The following MRPL1 variants were observed in gnomAD, a reference collection of about 807,000 sequenced individuals.
The protein encoded by MRPL1 is large ribosomal subunit protein uL1m.
MRPL1 carries 28 observed loss-of-function variants against 38.0 expected under a neutral mutation model. The ratio of observed to expected loss-of-function variants is 0.74; its 90% confidence interval spans 0.55 to 1.01. MRPL1 has a LOEUF of 1.01. Among genes scored for constraint, MRPL1 ranks in the 50% least tolerant of loss-of-function variants. The probability of loss-of-function intolerance (pLI) is 0.00; values close to 1 mark genes in which losing one functional copy is unlikely to be tolerated. For missense variants in MRPL1, 358 were observed against 389.8 expected (o/e 0.92, Z 0.69); for synonymous variants, 123 against 126.7 (o/e 0.97, Z 0.20).
intron 2 of MRPL1, among the ~76,000 whole-genome samples, chr4:77,876,609 A>G (rs1735402261): frequency 6.6e-6 from 1 of 152,212 alleles, no homozygotes; most frequent in African/African-American, 2.4e-5. Context: ...GAATCATAGT[A>G]TTCATAATTT....
chr4:77,870,434 A>G (rs1735253842), intron 1 of MRPL1, among the ~76,000 whole-genome samples: 1 of 151,876 alleles, frequency 6.6e-6, no homozygotes, highest in Admixed American at 6.6e-5. Context: ...CAGCAATAAA[A>G]TCTTTATAAA....
intron 6 of MRPL1, among the ~76,000 whole-genome samples, chr4:77,901,904 T>G (rs1470300923): frequency 1.1e-4 from 17 of 152,202 alleles, no homozygotes; most frequent in Admixed American, 1.1e-3. Context: ...TTGTTTGGTG[T>G]TGAACATTCA....
chr4:77,913,938 C>T lies in MRPL1; in HGVS notation c.777+4566C>T, dbSNP rs866333838. ...TAATGTATGATGACAGAAAGCAGAC[C>T]AGTGGTTGCCTTGGGGTCAGAGGTG... On this transcript the variant is annotated intron_variant, in intron 7 of 8. Coordinates refer to ENST00000315567, the MANE Select transcript of MRPL1 (RefSeq NM_020236.4). Among the ~76,000 whole-genome samples the T allele has an allele frequency of 2.6e-5, 4 of 152,118 alleles. No individual in the cohort carries two copies. In the South Asian group the frequency reaches 8.3e-4, roughly 32 times the overall value.
chr4:77,881,689 C>T (rs1383189285), intron 2 of MRPL1, among the ~76,000 whole-genome samples: 1 of 152,288 alleles, frequency 6.6e-6, no homozygotes, highest in African/African-American at 2.4e-5. Flanking sequence ...AGTCCTCCTG[C>T]CTTGGCCTCC....
intron 1 of MRPL1, among the ~76,000 whole-genome samples, chr4:77,863,759 G>A (rs1024911765): frequency 6.6e-6 from 1 of 152,080 alleles, no homozygotes; most frequent in Non-Finnish European, 1.5e-5. Context: ...GAGGCACTGC[G>A]CCCGGCCTGT....
At chr4:77,893,043 A>T (rs765790445) in intron 5 of MRPL1, among the ~76,000 whole-genome samples, 3 of 152,216 alleles carry the variant, frequency 2.0e-5, no homozygotes, top group African/African-American at 4.8e-5. Context: ...AAAATTCCAT[A>T]GTCATTGCTT....
intron 2 of MRPL1, among the ~76,000 whole-genome samples, chr4:77,873,749 A>G (rs996615810): frequency 1.3e-5 from 2 of 152,202 alleles, no homozygotes; most frequent in Non-Finnish European, 2.9e-5. Flanking sequence ...ACAGCAACAT[A>G]AACAATTGCT....
chr4:77,943,006 G>A (rs572545302), intron 7 of MRPL1, among the ~76,000 whole-genome samples: 155 of 152,110 alleles, frequency 1.0e-3, no homozygotes, highest in African/African-American at 2.9e-3. Flanking sequence ...GGTTCATTTT[G>A]GTGTGTATTT....
intron 7 of MRPL1, among the ~76,000 whole-genome samples, chr4:77,943,959 C>T (rs1737195385): frequency 1.3e-5 from 2 of 152,090 alleles, no homozygotes. Context: ...TGTTTAAGAA[C>T]TTTGGTTTTG....
intron 2 of MRPL1, among the ~76,000 whole-genome samples, chr4:77,872,905 T>C (rs1356918262): frequency 6.6e-6 from 1 of 151,954 alleles, no homozygotes; most frequent in Admixed American, 6.6e-5. Flanking sequence ...TAGTGGTGTG[T>C]ACCTGTAATC....
chr4:77,911,224 T>C (rs544566632), intron 7 of MRPL1, among the ~76,000 whole-genome samples: 2 of 152,310 alleles, frequency 1.3e-5, no homozygotes, highest in East Asian at 3.9e-4. Context: ...CTGTGGAATA[T>C]CCTTATAAGG....
At chr4:77,876,548 C>G (rs1333215588) in intron 2 of MRPL1, among the ~76,000 whole-genome samples, 1 of 152,060 alleles carries the variant, frequency 6.6e-6, no homozygotes, top group African/African-American at 2.4e-5. Flanking sequence ...AATTTATAAG[C>G]AGATGGTTTT....
At position 77,887,293 on chromosome 4, in the gene MRPL1, T is replaced by C. The variant is rs748937901; in HGVS notation, c.558+2T>C. ...GGAGGCACTAGTCTGATACAGAAGG[T>C]ACAGTGTTGTTTTCATGTTCATTAA... On this transcript the variant is annotated splice_donor_variant, in intron 5 of 8. Coordinates refer to ENST00000315567, the MANE Select transcript of MRPL1 (RefSeq NM_020236.4). LOFTEE classifies it high-confidence loss of function. 56 of 1,610,844 alleles carry C rather than the reference T, an allele frequency of 3.5e-5. No individual in the cohort carries two copies. Among genetic ancestry groups the C allele is most frequent in the Non-Finnish European group, 4.8e-5 (56 of 1,177,100 alleles).
intron 8 of MRPL1, 125 bp from the exon 9 acceptor site, chr4:77,952,364 T>C: frequency 2.8e-6 from 2 of 715,674 alleles, no homozygotes; most frequent in South Asian, 1.6e-5. Flanking sequence ...TCTTTATAAG[T>C]TGTTTTGCTT....
intron 7 of MRPL1, among the ~76,000 whole-genome samples, chr4:77,945,823 AAGG>A (rs1343339617): frequency 6.6e-6 from 1 of 152,128 alleles, no homozygotes; most frequent in Non-Finnish European, 1.5e-5. Context: ...AAAGGGCAAA[AAGG>A]AGAACAAAGA....
At chr4:77,912,378 G>A (rs555295739) in intron 7 of MRPL1, among the ~76,000 whole-genome samples, 1 of 152,200 alleles carries the variant, frequency 6.6e-6, no homozygotes, top group East Asian at 1.9e-4. Flanking sequence ...GAAGGTAGAA[G>A]CTCAATGTAC....
At chr4:77,950,681 A>G (rs1407647759) in intron 8 of MRPL1, among the ~76,000 whole-genome samples, 2 of 152,230 alleles carry the variant, frequency 1.3e-5, no homozygotes, top group African/African-American at 2.4e-5. Flanking sequence ...AAATATGGCC[A>G]TACTACTAAG....
At chr4:77,920,179 C>T (rs916003111) in intron 7 of MRPL1, among the ~76,000 whole-genome samples, 5 of 152,108 alleles carry the variant, frequency 3.3e-5, no homozygotes, top group African/African-American at 1.2e-4. Context: ...GAATTTGCCA[C>T]ATTTTGTAAA....
At chr4:77,946,220 G>A (rs1017843872) in intron 7 of MRPL1, among the ~76,000 whole-genome samples, 18 of 152,054 alleles carry the variant, frequency 1.2e-4, no homozygotes, top group African/African-American at 4.3e-4. Context: ...CTACTTGCAC[G>A]TCCATTTATA....
Sources: gnomAD v4.1 joint callset for allele counts (sites outside exome capture counted in the v4.1 genomes callset) on GRCh38, gnomAD v4.1.1 for gene constraint, MANE v1.5 for transcripts, NCBI Gene and HGNC (gene_info 2026-07-23, HGNC 2026-07-21) for gene names.